Variants in CHCHD6 observed in about 807,000 individuals in gnomAD.
CHCHD6 encodes the protein MICOS complex subunit MIC25.
Under a neutral mutation model 32.3 loss-of-function variants are expected in CHCHD6, and 28 were observed. That is an observed-to-expected ratio of 0.87 (90% CI 0.64 to 1.19). The LOEUF is 1.19. Among genes scored for constraint, CHCHD6 ranks in the 50% most tolerant of loss-of-function variants. CHCHD6 has a pLI of 0.00. For missense variants in CHCHD6, 333 were observed against 307.0 expected (o/e 1.08, Z -0.63); for synonymous variants, 122 against 117.5 (o/e 1.04, Z -0.25).
At chr3:126,881,639 T>C (rs746184821) in intron 5 of CHCHD6, among the ~76,000 whole-genome samples, 7 of 151,882 alleles carry the variant, frequency 4.6e-5, no homozygotes, top group Admixed American at 6.6e-5. Context: ...AGCCCCAGAG[T>C]TAGTGCTGAG....
chr3:126,775,041 C>G (rs1937611352), intron 4 of CHCHD6, among the ~76,000 whole-genome samples: 1 of 152,192 alleles, frequency 6.6e-6, no homozygotes, highest in Non-Finnish European at 1.5e-5. Context: ...TTTTTAGAAC[C>G]TTTTTATATC....
intron 4 of CHCHD6, among the ~76,000 whole-genome samples, chr3:126,773,602 CTTTTTTTTTT>C (rs769256372): frequency 2.2e-5 from 2 of 89,948 alleles, no homozygotes; most frequent in Non-Finnish European, 4.3e-5. Context: ...TTCTGCTTTT[CTTTTTTTTTT>C]TTTTTTTTTT....
At chr3:126,885,054 A>C (rs1344124874) in intron 5 of CHCHD6, among the ~76,000 whole-genome samples, 1 of 152,142 alleles carries the variant, frequency 6.6e-6, no homozygotes, top group Non-Finnish European at 1.5e-5. Flanking sequence ...CAGTCGTGGC[A>C]CTGGTGTCAG....
chr3:126,728,683 G>A (rs1269813665), intron 2 of CHCHD6, among the ~76,000 whole-genome samples: 1 of 152,202 alleles, frequency 6.6e-6, no homozygotes, highest in Non-Finnish European at 1.5e-5. Context: ...GGGAGAAAGT[G>A]ATGATAAAAG....
At position 126,868,542 on chromosome 3, in the gene CHCHD6, T is replaced by C. The variant is rs528730071; in HGVS notation, c.495+15812T>C. ...GATAATCCCAAAGAATAAGATGAAA[T>C]TGGCCAAATCAGTTCACCTAGAGAG... On this transcript the variant is annotated intron_variant, in intron 5 of 7. Transcript: ENST00000290913. Among the ~76,000 whole-genome samples the C allele has an allele frequency of 6.6e-5, 10 of 152,170 alleles. No individual in the cohort carries two copies. In the East Asian group the frequency reaches 1.5e-3, roughly 24 times the overall value.
chr3:126,844,518 T>G (rs1045248553), intron 4 of CHCHD6, among the ~76,000 whole-genome samples: 1 of 152,214 alleles, frequency 6.6e-6, no homozygotes, highest in Non-Finnish European at 1.5e-5. Flanking sequence ...AATATTAATA[T>G]AGCTACACCA....
At chr3:126,823,459 T>C (rs1940237844) in intron 4 of CHCHD6, among the ~76,000 whole-genome samples, 2 of 152,210 alleles carry the variant, frequency 1.3e-5, no homozygotes, top group Admixed American at 1.3e-4. Flanking sequence ...TTTTTTGTTA[T>C]ATTTATTCCT....
chr3:126,745,511 C>G (rs893966440), intron 4 of CHCHD6, among the ~76,000 whole-genome samples: 1 of 152,186 alleles, frequency 6.6e-6, no homozygotes, highest in Non-Finnish European at 1.5e-5. Flanking sequence ...CCAAAATGCA[C>G]TAGGAGAGGA....
At chr3:126,740,800 C>A (rs1936260603) in intron 4 of CHCHD6, among the ~76,000 whole-genome samples, 2 of 152,164 alleles carry the variant, frequency 1.3e-5, no homozygotes, top group African/African-American at 4.8e-5. Flanking sequence ...TATGATGTGA[C>A]AAATTTTGGA....
intron 4 of CHCHD6, among the ~76,000 whole-genome samples, chr3:126,779,158 T>C (rs1937796119): frequency 6.6e-6 from 1 of 152,146 alleles, no homozygotes; most frequent in African/African-American, 2.4e-5. Context: ...AATTTTTCTT[T>C]ATTGCTGGTA....
chr3:126,866,923 A>C (rs2107564972), intron 5 of CHCHD6, among the ~76,000 whole-genome samples: 1 of 152,240 alleles, frequency 6.6e-6, no homozygotes, highest in Admixed American at 6.5e-5. Flanking sequence ...TGATTTTCTC[A>C]AAAATATTAT....
At chr3:126,816,729 A>T (rs1049711123) in intron 4 of CHCHD6, among the ~76,000 whole-genome samples, 6 of 152,194 alleles carry the variant, frequency 3.9e-5, no homozygotes, top group African/African-American at 1.2e-4. Context: ...TTTTATTATT[A>T]TACTTTAAGT....
intron 6 of CHCHD6, among the ~76,000 whole-genome samples, chr3:126,955,565 TCCTTTA>T (rs1209739689): frequency 6.6e-6 from 1 of 152,182 alleles, no homozygotes; most frequent in African/African-American, 2.4e-5. Context: ...TCCCTTCACA[TCCTTTA>T]CCTTGGCGCT....
At chr3:126,714,337 G>T (rs2107651226) in intron 1 of CHCHD6, among the ~76,000 whole-genome samples, 1 of 152,146 alleles carries the variant, frequency 6.6e-6, no homozygotes, top group Non-Finnish European at 1.5e-5. Context: ...ACTCCTGTGG[G>T]CATTTGTGTG....
chr3:126,853,795 CAG>C (rs747077781), intron 5 of CHCHD6, among the ~76,000 whole-genome samples: 2 of 152,162 alleles, frequency 1.3e-5, no homozygotes, highest in Admixed American at 6.5e-5. Flanking sequence ...AAATCTTTCA[CAG>C]AGCAGTCTCA....
chr3:126,957,194 A>G (rs2078797597), intron 6 of CHCHD6: 2 of 598,932 alleles, frequency 3.3e-6, no homozygotes, highest in Non-Finnish European at 6.0e-6. Flanking sequence ...TGTCTGCTAT[A>G]TTGTGAGCCT....
At chr3:126,868,079 C>G (rs1470556136) in intron 5 of CHCHD6, among the ~76,000 whole-genome samples, 1 of 152,184 alleles carries the variant, frequency 6.6e-6, no homozygotes, top group Non-Finnish European at 1.5e-5. Context: ...CCTGGCAAGC[C>G]CTGCCTACCC....
At chr3:126,846,840 GTA>G (rs1457096855) in intron 4 of CHCHD6, among the ~76,000 whole-genome samples, 1 of 152,106 alleles carries the variant, frequency 6.6e-6, no homozygotes, top group Non-Finnish European at 1.5e-5. Context: ...TTGTGTGTGT[GTA>G]TGTGTATGTG....
intron 4 of CHCHD6, among the ~76,000 whole-genome samples, chr3:126,737,181 G>T (rs963425700): frequency 2.0e-5 from 3 of 151,956 alleles, no homozygotes; most frequent in South Asian, 2.1e-4. Flanking sequence ...TTAGCTGGGC[G>T]TGGTGGTGCA....
Sources: gnomAD v4.1 joint callset for allele counts (sites outside exome capture counted in the v4.1 genomes callset) on GRCh38, gnomAD v4.1.1 for gene constraint, MANE v1.5 for transcripts, NCBI Gene and HGNC (gene_info 2026-07-23, HGNC 2026-07-21) for gene names.